Variants in SLC24A2 observed in about 807,000 individuals in gnomAD.
The protein encoded by SLC24A2 is solute carrier family 24 member 2.
Under a neutral mutation model 62.0 loss-of-function variants are expected in SLC24A2, and 36 were observed. That is an observed-to-expected ratio of 0.58 (90% CI 0.44 to 0.77). SLC24A2 has a LOEUF of 0.77. SLC24A2 is among the 30% of genes least tolerant of loss of function. The pLI is 0.00. For synonymous variants in SLC24A2, 358 were observed against 294.0 expected (o/e 1.22, Z -2.23); for missense variants, 846 against 817.9 (o/e 1.03, Z -0.42).
chr9:20,227,819 T>C, the SLC24A2 span, among the ~76,000 whole-genome samples: 16 of 152,128 alleles, frequency 1.1e-4, no homozygotes, highest in Admixed American at 7.2e-4. Flanking sequence ...TACACACACA[T>C]CTCCCAACAA....
At chr9:19,815,959 C>CCTTT in the SLC24A2 span, among the ~76,000 whole-genome samples, 6 of 103,430 alleles carry the variant, frequency 5.8e-5, no homozygotes, top group African/African-American at 2.1e-4. Flanking sequence ...TTTTTTGCCC[C>CCTTT]TTTTTTTTTT....
chr9:19,845,953 T>G, the SLC24A2 span, among the ~76,000 whole-genome samples: 3 of 151,746 alleles, frequency 2.0e-5, no homozygotes, highest in Non-Finnish European at 4.4e-5. Flanking sequence ...CCTGAGAATA[T>G]GTTTGGTATG....
the SLC24A2 span, chr9:19,967,259 C>T: frequency 6.6e-6 from 1 of 152,102 alleles, no homozygotes; most frequent in African/African-American, 2.4e-5. Context: ...GAAAGCAAGT[C>T]ACTATTTTCT....
In SLC24A2 at chr9:19,786,268, T is replaced by C. The variant is rs759841394; in HGVS notation, c.599A>G (p.His200Arg). The C allele has an allele frequency of 6.2e-7, 1 of 1,614,046 alleles. No homozygotes were observed. Among genetic ancestry groups the C allele is most frequent in the Non-Finnish European group, 8.5e-7 (1 of 1,180,036 alleles). Residue 200 changes from histidine to arginine, a missense_variant, in exon 2 of 11, where the codon CAC (histidine) becomes CGC (arginine). Transcript: ENST00000341998. The surrounding 1 kb of genome is among the most constrained non-coding windows in gnomAD (Gnocchi z 5.0). ...FTSLIGVFIA[H>R]SNVGIGTIVG... The stretch of plus-strand genomic sequence containing the variant: ...AATTGTGCCTATGCCAACGTTGCTG[T>C]GAGCGATAAATACCCCTATGAGAGA...
chr9:20,202,073 G>GTGTA, the SLC24A2 span, among the ~76,000 whole-genome samples: 1 of 151,886 alleles, frequency 6.6e-6, no homozygotes, highest in Non-Finnish European at 1.5e-5. Flanking sequence ...GTGTGTGTGT[G>GTGTA]TGTGTGTGTG....
At chr9:19,788,203 A>G (rs1395060585) in intron 1 of SLC24A2, among the ~76,000 whole-genome samples, 1 of 152,142 alleles carries the variant, frequency 6.6e-6, no homozygotes, top group African/African-American at 2.4e-5. Flanking sequence ...AGTTGCTGCT[A>G]CTCCTGAGAT....
At chr9:20,089,766 G>A in the SLC24A2 span, among the ~76,000 whole-genome samples, 144 of 138,116 alleles carry the variant, frequency 1.0e-3, 1 homozygote, top group East Asian at 0.024. Context: ...CTATGCTTAC[G>A]GCACCCCACA....
chr9:20,222,096 T>A, the SLC24A2 span, among the ~76,000 whole-genome samples: 1 of 152,212 alleles, frequency 6.6e-6, no homozygotes, highest in South Asian at 2.1e-4. Context: ...GATCTTGTTA[T>A]ATCTGGCAAG....
the SLC24A2 span, among the ~76,000 whole-genome samples, chr9:20,064,858 G>C: frequency 7.9e-5 from 12 of 152,156 alleles, no homozygotes; most frequent in Non-Finnish European, 1.3e-4. Flanking sequence ...TGCATCCAAA[G>C]AGCCCAGTGT....
chr9:19,787,363 T>C (rs1823206478), intron 1 of SLC24A2, among the ~76,000 whole-genome samples: 1 of 152,218 alleles, frequency 6.6e-6, no homozygotes. Flanking sequence ...ATCTATCAGA[T>C]TATCTCACCT....
chr9:20,089,035 G>C, the SLC24A2 span, among the ~76,000 whole-genome samples: 1 of 152,182 alleles, frequency 6.6e-6, no homozygotes, highest in Non-Finnish European at 1.5e-5. Context: ...GGTCCCCCCA[G>C]CCTGGGTCTC....
the SLC24A2 span, among the ~76,000 whole-genome samples, chr9:20,093,349 G>C: frequency 6.6e-6 from 1 of 151,992 alleles, no homozygotes; most frequent in Non-Finnish European, 1.5e-5. Context: ...TGGGATTATA[G>C]GCGTGAACCA....
chr9:19,759,667 C>G, intron 2 of SLC24A2, among the ~76,000 whole-genome samples: 1 of 152,144 alleles, frequency 6.6e-6, no homozygotes, highest in African/African-American at 2.4e-5. Flanking sequence ...GTCATTTACT[C>G]AATAATTATT....
chr9:19,645,590 G>A (rs910878998), intron 2 of SLC24A2, among the ~76,000 whole-genome samples: 54 of 152,140 alleles, frequency 3.5e-4, no homozygotes, highest in African/African-American at 1.2e-3. Context: ...GGGGTGGGAT[G>A]GGTGAGCACT....
chr9:20,026,106 A>G, the SLC24A2 span, among the ~76,000 whole-genome samples: 1 of 152,260 alleles, frequency 6.6e-6, no homozygotes, highest in Non-Finnish European at 1.5e-5. Flanking sequence ...CAGCAATAGG[A>G]TGGGGATTCT....
chr9:20,120,882 T>A, the SLC24A2 span, among the ~76,000 whole-genome samples: 1 of 151,874 alleles, frequency 6.6e-6, no homozygotes, highest in East Asian at 1.9e-4. Flanking sequence ...AAAAATAATA[T>A]CTTCTTTCAT....
chr9:20,044,795 A>G, the SLC24A2 span, among the ~76,000 whole-genome samples: 1 of 152,334 alleles, frequency 6.6e-6, no homozygotes, highest in East Asian at 1.9e-4. Flanking sequence ...CCATGCACAC[A>G]GTATCACTAA....
chr9:20,207,185 A>G, the SLC24A2 span, among the ~76,000 whole-genome samples: 93 of 152,370 alleles, frequency 6.1e-4, 1 homozygote, highest in African/African-American at 2.1e-3. Flanking sequence ...AGACTTTAGT[A>G]TCTGAAATTT....
At chr9:19,754,170 A>G (rs10964271) in intron 2 of SLC24A2, among the ~76,000 whole-genome samples, 2,825 of 152,270 alleles carry the variant, frequency 0.019, 37 homozygotes, top group South Asian at 0.027. Context: ...CTGTCAAAGG[A>G]GCCACATCCT....
Sources: allele counts gnomAD v4.1 joint callset (sites outside exome capture counted in the v4.1 genomes callset), GRCh38; gene constraint gnomAD v4.1.1; non-coding constraint Gnocchi (gnomAD v3.1); transcripts MANE v1.5; gene names NCBI Gene and HGNC (gene_info 2026-07-23, HGNC 2026-07-21).